RANBP3: variants seen among roughly 807,000 people sequenced by gnomAD.
RANBP3 encodes the protein RAN binding protein 3.
A neutral mutation model predicts 77.3 loss-of-function variants in RANBP3; 14 were observed. The ratio of observed to expected loss-of-function variants is 0.18; its 90% CI spans 0.12 to 0.28. RANBP3 has a LOEUF of 0.28. RANBP3 is among the 10% of genes least tolerant of loss of function. The pLI is 1.00. For synonymous variants in RANBP3, 315 were observed against 312.4 expected (o/e 1.01, Z -0.09); for missense variants, 586 against 752.3 (o/e 0.78, Z 2.59).
chr19:5,922,771 C>A lies in RANBP3; in HGVS notation c.1209+423G>T, dbSNP rs555073856. Among the ~76,000 whole-genome samples, 12 of 152,276 alleles carry A rather than the reference C, an allele frequency of 7.9e-5. No individual in the cohort carries two copies. The East Asian group carries it at 2.1e-3, about 27-fold the overall frequency. ...CCTGGCCAACATGGGGAAACCCCGT[C>A]TCTACTAAAAATACAAAAATTAGCC... is the stretch of plus-strand genomic sequence containing the variant. On this transcript the variant is annotated intron_variant, in intron 13 of 16. Transcript: ENST00000340578.
intron 1 of RANBP3, among the ~76,000 whole-genome samples, chr19:5,973,434 G>T (rs2058552892): frequency 6.6e-6 from 1 of 152,186 alleles, no homozygotes; most frequent in South Asian, 2.1e-4. Flanking sequence ...ATGAGGAGGG[G>T]GATGTGCTAT....
At chr19:5,955,154 T>G (rs2058321049) in intron 2 of RANBP3, among the ~76,000 whole-genome samples, 1 of 152,308 alleles carries the variant, frequency 6.6e-6, no homozygotes, top group East Asian at 1.9e-4. Flanking sequence ...TTTTTTGAGA[T>G]GGAGTCTCAC....
chr19:5,948,146 T>C (rs1230922352), intron 3 of RANBP3, among the ~76,000 whole-genome samples: 1 of 152,300 alleles, frequency 6.6e-6, no homozygotes, highest in East Asian at 1.9e-4. Flanking sequence ...AGCAAGGCCA[T>C]GTCAGATAAA....
In RANBP3 at chr19:5,917,446, C is replaced by T. The variant is rs1308732264; in HGVS notation, c.*164G>A. ...TCCCAAACCACATTCAGGCAGTTCC[C>T]GAGTCTGCTTTTGAACAGGACGTGC... On this transcript the variant is annotated 3_prime_UTR_variant, in exon 17 of 17. Coordinates refer to ENST00000340578, the MANE Select transcript of RANBP3 (RefSeq NM_007322.3). 1.4e-5 allele frequency: 10 copies of T among 700,548 alleles called. No individual in the cohort carries two copies. Among genetic ancestry groups the T allele is most frequent in the East Asian group, 5.6e-5 (2 of 35,848 alleles). The allele number at this position is 700,548 out of a possible 1,614,324, so 43.4% of individuals were successfully genotyped here.
chr19:5,925,008 G>A (rs2057883375), intron 10 of RANBP3, 103 bp from the exon 11 acceptor site: 2 of 1,061,396 alleles, frequency 1.9e-6, no homozygotes, highest in East Asian at 2.4e-5. Context: ...GGGCACAGTG[G>A]AGGGGCCTCC....
intron 1 of RANBP3, among the ~76,000 whole-genome samples, chr19:5,960,291 C>G (rs766950242): frequency 6.6e-6 from 1 of 152,194 alleles, no homozygotes; most frequent in Non-Finnish European, 1.5e-5. Context: ...TGCCCCTTGT[C>G]GCTAACAGAC....
intron 1 of RANBP3, 144 bp downstream of exon 1, chr19:5,977,917 C>CGG: frequency 9.5e-7 from 1 of 1,056,948 alleles, no homozygotes; most frequent in Admixed American, 3.8e-5. Flanking sequence ...CAATAGGGGG[C>CGG]GGCTGCAAGG....
chr19:5,928,126 G>C (rs769966496), intron 8 of RANBP3, 39 bp from the exon 9 acceptor site: 10 of 1,594,454 alleles, frequency 6.3e-6, no homozygotes, highest in Non-Finnish European at 8.5e-6. Flanking sequence ...ATCAAAACCA[G>C]TGCCACACTT....
At chr19:5,951,051 T>TGGAA (rs763471572) in intron 3 of RANBP3, among the ~76,000 whole-genome samples, 11 of 152,026 alleles carry the variant, frequency 7.2e-5, no homozygotes, top group Non-Finnish European at 1.3e-4. Context: ...GAAGGAAAAA[T>TGGAA]GGAAGGAGGG....
At chr19:5,955,080 C>A (rs1473322093) in intron 2 of RANBP3, among the ~76,000 whole-genome samples, 1 of 152,210 alleles carries the variant, frequency 6.6e-6, no homozygotes, top group African/African-American at 2.4e-5. Flanking sequence ...TTAGAATTGG[C>A]TGTGAGCCAA....
intron 1 of RANBP3, among the ~76,000 whole-genome samples, chr19:5,975,357 T>G (rs547330553): frequency 1.3e-5 from 2 of 152,098 alleles, no homozygotes; most frequent in Non-Finnish European, 2.9e-5. Context: ...CTTTGGCCCT[T>G]ACCAGTTCAA....
chr19:5,963,213 T>C (rs952197977), intron 1 of RANBP3, among the ~76,000 whole-genome samples: 1 of 152,202 alleles, frequency 6.6e-6, no homozygotes, highest in African/African-American at 2.4e-5. Context: ...TTGTAAAAAA[T>C]GCAGTCTGTC....
At position 5,973,628 on chromosome 19, in the gene RANBP3, T is replaced by C. The variant is rs530503415; in HGVS notation, c.22+4433A>G. Among the ~76,000 whole-genome samples the C allele has an allele frequency of 2.0e-5, 3 of 152,352 alleles. No homozygotes were observed. The East Asian group carries it at 5.8e-4, about 29-fold the overall frequency. ...ACCCAGAGCCCAGGCCCTGCTGGTC[T>C]TCTGCCAGGGGCTCAGCCCAGGGCC... On this transcript the variant is annotated intron_variant, in intron 1 of 16. Transcript: ENST00000340578.
At chr19:5,943,421 G>C (rs2058165075) in intron 3 of RANBP3, among the ~76,000 whole-genome samples, 1 of 152,232 alleles carries the variant, frequency 6.6e-6, no homozygotes, top group Admixed American at 6.5e-5. Flanking sequence ...TGTCGGTACT[G>C]CTGGCTTTGT....
Position 5,923,952 on chromosome 19 carries a change from T to C in RANBP3, c.997-38A>G, listed in dbSNP as rs750590235. ...AAAAGCATACAAGGAAGAGGGCACT[T>C]GTGTGGTCCTTCAGCAGCAGCTCTG... is the stretch of plus-strand genomic sequence containing the variant. On this transcript the variant is annotated intron_variant, in intron 11 of 16. Coordinates refer to ENST00000340578, the MANE Select transcript of RANBP3 (RefSeq NM_007322.3). The C allele has an allele frequency of 1.3e-5, 19 of 1,509,498 alleles. No homozygotes were observed. The Admixed American group carries it at 3.2e-4, about 25-fold the overall frequency. 93.5% of individuals were successfully genotyped at this position (1,509,498 alleles called of 1,614,324 possible). A position where few individuals can be genotyped will look rare whatever the true frequency, so the allele number is the denominator to read the frequency against.
intron 1 of RANBP3, among the ~76,000 whole-genome samples, chr19:5,971,321 T>C (rs999811621): frequency 3.3e-5 from 5 of 152,204 alleles, no homozygotes; most frequent in African/African-American, 7.2e-5. Context: ...TAATAGAAGA[T>C]AGCTGAATTC....
intron 3 of RANBP3, among the ~76,000 whole-genome samples, chr19:5,949,142 T>C (rs754400851): frequency 2.0e-5 from 3 of 152,160 alleles, no homozygotes; most frequent in African/African-American, 7.2e-5. Flanking sequence ...ACAGACTAGA[T>C]GTGACGGATG....
At chr19:5,956,958 G>A (rs2058342044) in intron 2 of RANBP3, among the ~76,000 whole-genome samples, 2 of 152,178 alleles carry the variant, frequency 1.3e-5, no homozygotes, top group African/African-American at 2.4e-5. Flanking sequence ...ATGTTGCAGC[G>A]GGTATGAGGT....
At chr19:5,962,742 G>A (rs1248671700) in intron 1 of RANBP3, 2 of 456,014 alleles carry the variant, frequency 4.4e-6, no homozygotes, top group East Asian at 1.4e-4. Context: ...TACTCACGCT[G>A]CATTTCTACT....
Sources: gnomAD v4.1 joint callset for allele counts (sites outside exome capture counted in the v4.1 genomes callset) on GRCh38, gnomAD v4.1.1 for gene constraint, MANE v1.5 for transcripts, NCBI Gene and HGNC (gene_info 2026-07-23, HGNC 2026-07-21) for gene names.